SPON1: variants seen among roughly 807,000 people sequenced by gnomAD.
SPON1 encodes spondin 1, also known as spondin-1.
SPON1 carries 52 observed loss-of-function variants against 111.7 expected under a neutral mutation model. The observed-to-expected ratio is 0.47, with a 90% CI of 0.37 to 0.59. The LOEUF (loss-of-function observed/expected upper bound fraction) is 0.59, where lower values mean the gene tolerates loss of function less well. SPON1 is among the 20% of genes least tolerant of loss of function. The pLI is 0.00. For synonymous variants in SPON1, 410 were observed against 395.8 expected (o/e 1.04, Z -0.43); for missense variants, 957 against 1,068.5 (o/e 0.90, Z 1.46).
intron 1 of SPON1, among the ~76,000 whole-genome samples, chr11:13,970,121 A>T (rs1482484184): frequency 6.6e-6 from 1 of 152,184 alleles, no homozygotes; most frequent in Non-Finnish European, 1.5e-5. Flanking sequence ...TGGTGTCAGG[A>T]AGCTTGCTAT....
chr11:14,016,782 A>G (rs1375080994), intron 2 of SPON1, among the ~76,000 whole-genome samples: 1 of 152,200 alleles, frequency 6.6e-6, no homozygotes, highest in Non-Finnish European at 1.5e-5. Flanking sequence ...GTTGACTCAC[A>G]CTATTGGTTT....
Position 14,260,670 on chromosome 11 carries a change from G to C in SPON1, c.1914G>C (p.Gln638His), listed in dbSNP as rs373343915. 1.9e-6 allele frequency: 3 copies of C among 1,613,888 alleles called. No individual in the cohort carries two copies. In the African/African-American group the frequency reaches 4.0e-5, roughly 22 times the overall value. The part of the protein sequence containing the change: ...VTCGKGMRTR[Q>H]RMLKSLAELG... ...GCGGGAAGGGCATGCGAACCCGACA[G>C]CGGATGCTCAAGTCTCTGGCAGAAC... Residue 638 changes from glutamine to histidine, a missense_variant, in exon 14 of 16, where the codon CAG becomes CAC. By Grantham distance (24) the Gln-to-His change is conservative. Transcript: ENST00000576479.
intron 6 of SPON1, among the ~76,000 whole-genome samples, chr11:14,157,709 C>CT (rs1348643314): frequency 6.6e-6 from 1 of 151,812 alleles, no homozygotes; most frequent in Non-Finnish European, 1.5e-5. Flanking sequence ...GCTTCTTATG[C>CT]TTTTTTTGTA....
intron 15 of SPON1, among the ~76,000 whole-genome samples, chr11:14,263,311 T>C (rs1849212084): frequency 6.6e-6 from 1 of 152,196 alleles, no homozygotes; most frequent in Non-Finnish European, 1.5e-5. Context: ...TGTGTCCAAC[T>C]TTGCTCAAAG....
chr11:14,148,026 C>A (rs1393612312), intron 6 of SPON1, among the ~76,000 whole-genome samples: 1 of 151,512 alleles, frequency 6.6e-6, no homozygotes, highest in Non-Finnish European at 1.5e-5. Context: ...TAGGGAAACA[C>A]CTTTCTACAC....
intron 6 of SPON1, among the ~76,000 whole-genome samples, chr11:14,232,228 A>G (rs1301426953): frequency 1.3e-5 from 2 of 151,722 alleles, no homozygotes; most frequent in Admixed American, 6.6e-5. Context: ...CTTCCCGGCT[A>G]TATTTTCCCC....
rs139601244 is a variant in SPON1 at position 14,081,231 on chromosome 11, C to A, written c.676+1210C>A. 2.0e-5 allele frequency among the ~76,000 whole-genome samples: 3 copies of A among 152,294 alleles called. No homozygotes were observed. In the East Asian group the frequency reaches 5.8e-4, roughly 29 times the overall value. On this transcript the variant is annotated intron_variant, in intron 5 of 15. Coordinates refer to ENST00000576479, the MANE Select transcript of SPON1 (RefSeq NM_006108.4). ...TATAATTGTCTCAACAAACGCCTAA[C>A]ATGTGCCAGGCACTGTGCTCAGCTC...
At chr11:14,180,980 T>C (rs563235065) in intron 6 of SPON1, among the ~76,000 whole-genome samples, 1 of 152,212 alleles carries the variant, frequency 6.6e-6, no homozygotes, top group East Asian at 1.9e-4. Flanking sequence ...GTTTGTTCAC[T>C]ACCCCCTGCC....
intron 1 of SPON1, among the ~76,000 whole-genome samples, chr11:13,970,964 T>A: frequency 6.6e-6 from 1 of 152,214 alleles, no homozygotes; most frequent in East Asian, 1.9e-4. Flanking sequence ...GAACAGTGCC[T>A]GGGCATAGCA....
At chr11:13,967,752 C>T (rs782452338) in intron 1 of SPON1, among the ~76,000 whole-genome samples, 3 of 152,110 alleles carry the variant, frequency 2.0e-5, no homozygotes, top group Non-Finnish European at 2.9e-5. Flanking sequence ...TAAGCCACCC[C>T]TCCTACCTCT....
At chr11:14,208,087 G>A (rs1236789853) in intron 6 of SPON1, among the ~76,000 whole-genome samples, 1 of 152,160 alleles carries the variant, frequency 6.6e-6, no homozygotes, top group African/African-American at 2.4e-5. Context: ...ATTATCCATA[G>A]CAAACTAACA....
chr11:13,991,071 G>A (rs1554911127), intron 2 of SPON1, among the ~76,000 whole-genome samples: 1 of 152,170 alleles, frequency 6.6e-6, no homozygotes, highest in African/African-American at 2.4e-5. Flanking sequence ...TCTTCTCGAG[G>A]AGTATCTTTG....
rs112975976 is a variant in SPON1 at position 14,147,224 on chromosome 11, G to A, written c.825+11656G>A. ...TTTGTATTTTTTTTTAGTAGAGACA[G>A]GGTTTCACCTTGTTGGTCAGGCTGG... On this transcript the variant is annotated intron_variant, in intron 6 of 15. Transcript: ENST00000576479. Among the ~76,000 whole-genome samples the A allele has an allele frequency of 8.2e-3, 1,238 of 151,396 alleles. 13 individuals are homozygous for A. Among genetic ancestry groups the A allele is most frequent in the African/African-American group, 0.028 (1,153 of 41,258 alleles).
intron 6 of SPON1, among the ~76,000 whole-genome samples, chr11:14,217,328 G>T (rs1447563588): frequency 6.6e-6 from 1 of 151,904 alleles, no homozygotes; most frequent in African/African-American, 2.4e-5. Flanking sequence ...GTATACTTTT[G>T]TTTAACAAAA....
intron 3 of SPON1, among the ~76,000 whole-genome samples, chr11:14,070,429 A>AAC (rs782165381): frequency 6.6e-5 from 10 of 152,174 alleles, no homozygotes; most frequent in South Asian, 4.1e-4. Flanking sequence ...CAAGCAAAGA[A>AAC]ACAGACCTGA....
chr11:13,981,576 T>C (rs1848144729), intron 1 of SPON1, among the ~76,000 whole-genome samples: 1 of 152,196 alleles, frequency 6.6e-6, no homozygotes, highest in Non-Finnish European at 1.5e-5. Flanking sequence ...TCCGCCCACC[T>C]CGGCCTCCTA....
intron 11 of SPON1, among the ~76,000 whole-genome samples, chr11:14,258,498 A>G (rs1554941475): frequency 6.6e-6 from 1 of 152,250 alleles, no homozygotes; most frequent in Non-Finnish European, 1.5e-5. Context: ...TTCCCAAGCC[A>G]TGACCCCTTT....
chr11:14,177,591 C>A (rs933301102), intron 6 of SPON1, among the ~76,000 whole-genome samples: 1 of 152,108 alleles, frequency 6.6e-6, no homozygotes, highest in Admixed American at 6.5e-5. Context: ...AACTTGTAGC[C>A]TCCAGCTGTA....
At chr11:13,990,529 T>G (rs544463573) in intron 2 of SPON1, among the ~76,000 whole-genome samples, 1 of 151,938 alleles carries the variant, frequency 6.6e-6, no homozygotes, top group East Asian at 1.9e-4. Flanking sequence ...TTATCCAATT[T>G]GTCAGTCTGT....
Sources: allele counts gnomAD v4.1 joint callset (sites outside exome capture counted in the v4.1 genomes callset), GRCh38; gene constraint gnomAD v4.1.1; transcripts MANE v1.5; gene names NCBI Gene and HGNC (gene_info 2026-07-23, HGNC 2026-07-21).